ATP8A2: variants seen among roughly 807,000 people sequenced by gnomAD.
ATP8A2 encodes the protein ATPase phospholipid transporting 8A2, also known as phospholipid-transporting ATPase IB.
ATP8A2 carries 100 observed loss-of-function variants against 165.6 expected under a neutral mutation model. The observed-to-expected ratio is 0.60, with a 90% CI of 0.51 to 0.71. The LOEUF is 0.71. Ranked by LOEUF, ATP8A2 falls within the 30% of genes least tolerant of loss-of-function variation. The probability of loss-of-function intolerance (pLI) is 0.00; values close to 1 mark genes in which losing one functional copy is unlikely to be tolerated. For synonymous variants in ATP8A2, 543 were observed against 548.8 expected (o/e 0.99, Z 0.15); for missense variants, 1,227 against 1,479.5 (o/e 0.83, Z 2.80).
At position 25,837,272 on chromosome 13, in the gene ATP8A2, G is replaced by C. The variant is rs745359979; in HGVS notation, c.2864G>C (p.Gly955Ala). Residue 955 changes from glycine to alanine, a missense_variant, in exon 29 of 37, where the codon GGC (glycine) becomes GCC (alanine). Around this residue, in one of 5 missense-constraint regions of ATP8A2, gnomAD observed 592 missense variants for 785.6 expected, o/e 0.75. Coordinates refer to ENST00000381655, the MANE Select transcript of ATP8A2 (RefSeq NM_016529.6). Reference sequence around the variant, plus strand: ...TACAAAATCACCCAGAATGGCGAAGGCTTCAACACAAAGGTAAACAGAGTG... The same window carrying C: ...TACAAAATCACCCAGAATGGCGAAGCCTTCAACACAAAGGTAAACAGAGTG... ...QLYKITQNGE[G>A]FNTKVFWGHC... 3.1e-6 allele frequency: 5 copies of C among 1,613,994 alleles called. No individual in the cohort carries two copies. Among genetic ancestry groups the C allele is most frequent in the African/African-American group, 1.3e-5 (1 of 74,912 alleles).
chr13:25,438,337 G>C (rs1169866730), intron 1 of ATP8A2, among the ~76,000 whole-genome samples: 1 of 152,192 alleles, frequency 6.6e-6, no homozygotes, highest in East Asian at 1.9e-4. Context: ...AAGACAGTAA[G>C]AGATGAATTA....
chr13:25,862,020 C>A (rs1044886529), intron 32 of ATP8A2, among the ~76,000 whole-genome samples: 11 of 152,130 alleles, frequency 7.2e-5, no homozygotes, highest in African/African-American at 2.4e-4. Flanking sequence ...CTGAGAGGGG[C>A]CCGCTGTTAC....
chr13:25,593,161 A>C (rs1018548038), intron 24 of ATP8A2, among the ~76,000 whole-genome samples: 1 of 152,160 alleles, frequency 6.6e-6, no homozygotes, highest in Non-Finnish European at 1.5e-5. Flanking sequence ...AATAAAGTAG[A>C]TATACAGTAG....
chr13:25,380,956 T>C (rs1439585755), intron 1 of ATP8A2, among the ~76,000 whole-genome samples: 6 of 152,180 alleles, frequency 3.9e-5, no homozygotes, highest in Admixed American at 1.3e-4. Context: ...TTTATCTTCC[T>C]CTTGAGTCAG....
At chr13:25,816,996 A>G (rs1951039490) in intron 27 of ATP8A2, among the ~76,000 whole-genome samples, 1 of 152,212 alleles carries the variant, frequency 6.6e-6, no homozygotes. Flanking sequence ...GATCCTGTCC[A>G]TAAATGAAGT....
At chr13:25,408,937 G>A (rs965557265) in intron 1 of ATP8A2, among the ~76,000 whole-genome samples, 1 of 152,334 alleles carries the variant, frequency 6.6e-6, no homozygotes, top group Non-Finnish European at 1.5e-5. Flanking sequence ...TATAATAATA[G>A]TTAGAGAAAT....
chr13:25,708,611 C>A (rs989755357), intron 25 of ATP8A2, among the ~76,000 whole-genome samples: 2 of 152,062 alleles, frequency 1.3e-5, no homozygotes, highest in Admixed American at 1.3e-4. Context: ...AAAAAAAACT[C>A]CATCCTGGGA....
chr13:25,787,136 G>A (rs1286590389), intron 27 of ATP8A2, among the ~76,000 whole-genome samples: 1 of 152,072 alleles, frequency 6.6e-6, no homozygotes, highest in South Asian at 2.1e-4. Flanking sequence ...CCAGGAAGTG[G>A]GCTTGCTTCC....
At position 25,848,624 on chromosome 13, in the gene ATP8A2, A is replaced by G. The variant is rs115259922; in HGVS notation, c.2956+9000A>G. Among the ~76,000 whole-genome samples, 507 of 152,302 alleles carry G rather than the reference A, an allele frequency of 3.3e-3. 1 individual carries two copies. Among genetic ancestry groups the G allele is most frequent in the African/African-American group, 0.011 (476 of 41,560 alleles). ...CATGTCCTTAACTTTATCCAGCAGAAATGGCAATAGAGGAGAAAATCCAGC... is the reference window on the plus strand; with the variant it reads ...CATGTCCTTAACTTTATCCAGCAGAGATGGCAATAGAGGAGAAAATCCAGC... On this transcript the variant is annotated intron_variant, in intron 30 of 36. Coordinates refer to ENST00000381655, the MANE Select transcript of ATP8A2 (RefSeq NM_016529.6).
At chr13:25,745,074 G>A (rs1323535436) in intron 25 of ATP8A2, among the ~76,000 whole-genome samples, 3 of 152,112 alleles carry the variant, frequency 2.0e-5, no homozygotes, top group African/African-American at 7.2e-5. Flanking sequence ...CCGAGTAGCT[G>A]GGACTACAGG....
chr13:25,880,921 A>G (rs1165367361), intron 33 of ATP8A2: 3 of 456,166 alleles, frequency 6.6e-6, no homozygotes, highest in Non-Finnish European at 1.3e-5. Flanking sequence ...AATTCCCCAA[A>G]TCTACTTTTC....
In ATP8A2 at chr13:26,025,843, T is replaced by C. The variant is rs1042385714; in HGVS notation, c.*5858T>C. 4 of 152,240 alleles carry C rather than the reference T, an allele frequency of 2.6e-5. No individual in the cohort carries two copies. The highest frequency in any genetic ancestry group is 9.6e-5 in the African/African-American group (4 of 41,468). The allele number at this position is 152,240 out of a possible 1,614,324, so 9.4% of individuals were successfully genotyped here. On this transcript the variant is annotated 3_prime_UTR_variant, in exon 37 of 37. Transcript: ENST00000381655. ...AAACCTGTTTCAAATAAATCTTTTG[T>C]TAAAGTAAGTGATTGGACTGTTTTA... is the stretch of plus-strand genomic sequence containing the variant.
At chr13:25,958,422 C>T (rs993874209) in intron 33 of ATP8A2, among the ~76,000 whole-genome samples, 33 of 152,118 alleles carry the variant, frequency 2.2e-4, no homozygotes, top group South Asian at 4.1e-4. Flanking sequence ...AATCCTGATC[C>T]GCAGGTGCAT....
intron 33 of ATP8A2, among the ~76,000 whole-genome samples, chr13:25,906,907 A>G (rs753799705): frequency 2.0e-5 from 3 of 152,202 alleles, no homozygotes; most frequent in Non-Finnish European, 2.9e-5. Context: ...AAGACTCACG[A>G]AACTGTTTAT....
At chr13:25,619,615 A>C (rs1418042131) in intron 24 of ATP8A2, among the ~76,000 whole-genome samples, 3 of 152,202 alleles carry the variant, frequency 2.0e-5, no homozygotes, top group Non-Finnish European at 4.4e-5. Flanking sequence ...AAATGAGTAC[A>C]TAGAACTTCT....
chr13:25,976,686 G>A (rs1216885707), intron 35 of ATP8A2, among the ~76,000 whole-genome samples: 2 of 152,124 alleles, frequency 1.3e-5, no homozygotes, highest in Non-Finnish European at 2.9e-5. Flanking sequence ...GGACCAAGCA[G>A]AGAAATCATA....
intron 35 of ATP8A2, among the ~76,000 whole-genome samples, chr13:26,003,324 A>C (rs1446877648): frequency 6.7e-6 from 1 of 148,972 alleles, no homozygotes; most frequent in Non-Finnish European, 1.5e-5. Flanking sequence ...TCATATGTAT[A>C]TCGTCTTTTA....
At chr13:25,685,628 CTGCATGGAAATCTGGGAGAA>C (rs2042585146) in intron 24 of ATP8A2, among the ~76,000 whole-genome samples, 1 of 152,288 alleles carries the variant, frequency 6.6e-6, no homozygotes, top group South Asian at 2.1e-4. Flanking sequence ...GTGGGGTGAG[CTGCATGGAAATCTGGGAGAA>C]TGGATGCAAG....
chr13:25,607,999 T>C (rs1017539973), intron 24 of ATP8A2, among the ~76,000 whole-genome samples: 7 of 152,216 alleles, frequency 4.6e-5, no homozygotes, highest in South Asian at 2.1e-4. Flanking sequence ...ATAAGAAGCA[T>C]GTGAAAGAGA....
Sources: allele counts gnomAD v4.1 joint callset (sites outside exome capture counted in the v4.1 genomes callset), GRCh38; gene constraint gnomAD v4.1.1; regional missense constraint gnomAD v4.1.1; transcripts MANE v1.5; gene names NCBI Gene and HGNC (gene_info 2026-07-23, HGNC 2026-07-21).